Variants in PARD3 observed in about 807,000 individuals in gnomAD.
The protein encoded by PARD3 is partitioning defective 3 homolog.
PARD3 carries 75 observed loss-of-function variants against 155.4 expected under a neutral mutation model. That is an observed-to-expected ratio of 0.48 (90% CI 0.40 to 0.58). PARD3 has a LOEUF of 0.58. Among genes scored for constraint, PARD3 ranks in the 20% least tolerant of loss-of-function variants. The pLI is 0.00. For missense variants in PARD3, 1,642 were observed against 1,721.7 expected (o/e 0.95, Z 0.82); for synonymous variants, 576 against 610.5 (o/e 0.94, Z 0.83).
At chr10:34,809,598 GTGTA>G (rs1843831436) in intron 1 of PARD3, among the ~76,000 whole-genome samples, 1 of 152,220 alleles carries the variant, frequency 6.6e-6, no homozygotes, top group African/African-American at 2.4e-5. Flanking sequence ...AGGCAGCAAA[GTGTA>G]TGTGAGTCCC....
At chr10:34,750,666 G>A (rs17493652) in intron 1 of PARD3, among the ~76,000 whole-genome samples, 148 of 151,534 alleles carry the variant, frequency 9.8e-4, no homozygotes, top group Middle Eastern at 3.4e-3. Flanking sequence ...TGTTAATTTG[G>A]ATTATTCTTG....
At chr10:34,459,606 G>A (rs900348069) in intron 4 of PARD3, among the ~76,000 whole-genome samples, 1 of 152,148 alleles carries the variant, frequency 6.6e-6, no homozygotes, top group Non-Finnish European at 1.5e-5. Flanking sequence ...CAGAAAGGGA[G>A]AGATAGTAAA....
chr10:34,182,978 A>G (rs1950330983), intron 22 of PARD3, among the ~76,000 whole-genome samples: 1 of 152,220 alleles, frequency 6.6e-6, no homozygotes, highest in African/African-American at 2.4e-5. Context: ...AGATAAGCAG[A>G]CTGGGGAAAC....
At chr10:34,633,952 T>C (rs536768566) in intron 2 of PARD3, among the ~76,000 whole-genome samples, 4 of 152,290 alleles carry the variant, frequency 2.6e-5, no homozygotes, top group East Asian at 1.9e-4. Flanking sequence ...AGAAGGCCAT[T>C]AGCGTCCATT....
chr10:34,735,775 T>C (rs1372163487), intron 1 of PARD3, among the ~76,000 whole-genome samples: 7 of 152,208 alleles, frequency 4.6e-5, no homozygotes, highest in African/African-American at 1.7e-4. Context: ...GTGGCGGATA[T>C]CAGTACACTT....
intron 2 of PARD3, among the ~76,000 whole-genome samples, chr10:34,681,760 ATATATATATTTTTTTTTTTTTTTTTTT>A (rs2093840324): frequency 4.6e-5 from 1 of 21,552 alleles, no homozygotes; most frequent in African/African-American, 2.5e-4. Flanking sequence ...ATATATATAT[ATATATATATTTTTTTTTTTTTTTTTTT>A]TTTTTTTTTT....
intron 3 of PARD3, among the ~76,000 whole-genome samples, chr10:34,503,462 A>C: frequency 6.6e-6 from 1 of 152,252 alleles, no homozygotes; most frequent in East Asian, 1.9e-4. Flanking sequence ...TTCTTAAATT[A>C]CATGCTATTC....
intron 22 of PARD3, among the ~76,000 whole-genome samples, chr10:34,144,890 A>G (rs1183075736): frequency 1.3e-5 from 2 of 152,072 alleles, no homozygotes; most frequent in African/African-American, 4.8e-5. Flanking sequence ...ACATACGCCA[A>G]TCTAGGCTGC....
intron 1 of PARD3, among the ~76,000 whole-genome samples, chr10:34,784,454 TTTG>T (rs1840688998): frequency 7.7e-6 from 1 of 129,836 alleles, no homozygotes; most frequent in Admixed American, 7.5e-5. Flanking sequence ...TTTTTTTTTT[TTTG>T]GAGACGGAGT....
chr10:34,407,384 A>G (rs1420225063), intron 5 of PARD3, among the ~76,000 whole-genome samples: 2 of 152,114 alleles, frequency 1.3e-5, no homozygotes, highest in Non-Finnish European at 2.9e-5. Flanking sequence ...GCTGTGCAGG[A>G]GCCATTCTCT....
chr10:34,517,412 C>T (rs1047979790), intron 2 of PARD3, among the ~76,000 whole-genome samples: 3 of 152,056 alleles, frequency 2.0e-5, no homozygotes, highest in Admixed American at 6.6e-5. Context: ...TGTTTGCTAT[C>T]ACAGCATGCT....
intron 3 of PARD3, among the ~76,000 whole-genome samples, chr10:34,487,292 A>T (rs1420655838): frequency 2.0e-5 from 3 of 152,094 alleles, no homozygotes; most frequent in Admixed American, 2.0e-4. Flanking sequence ...CTTCACTTAG[A>T]TCTGGTACTT....
intron 1 of PARD3, among the ~76,000 whole-genome samples, chr10:34,747,806 A>C (rs1225540994): frequency 6.6e-6 from 1 of 152,232 alleles, no homozygotes. Context: ...CTTTTATAGG[A>C]TGGTTCTGGG....
chr10:34,585,318 G>T (rs2087907577), intron 2 of PARD3, among the ~76,000 whole-genome samples: 1 of 152,022 alleles, frequency 6.6e-6, no homozygotes, highest in Non-Finnish European at 1.5e-5. Context: ...AAGCAATCAG[G>T]TTTTTGTATG....
chr10:34,804,919 G>C (rs1287162902), intron 1 of PARD3, among the ~76,000 whole-genome samples: 13 of 152,136 alleles, frequency 8.5e-5, no homozygotes, highest in Admixed American at 8.5e-4. Flanking sequence ...TTAGGTTTTT[G>C]AGACATAATA....
intron 1 of PARD3, among the ~76,000 whole-genome samples, chr10:34,740,387 C>T (rs1426328507): frequency 1.3e-5 from 2 of 152,252 alleles, no homozygotes. Context: ...TCCCTGTCAA[C>T]AAACATATCC....
At chr10:34,432,041 C>CAAAAAAAAAAAAAAAAAAAAAAAAA (rs142848273) in intron 5 of PARD3, among the ~76,000 whole-genome samples, 5 of 21,592 alleles carry the variant, frequency 2.3e-4, no homozygotes, top group Admixed American at 9.8e-4. Context: ...GACTCTGTCT[C>CAAAAAAAAAAAAAAAAAAAAAAAAA]AAAAAAAAAA....
intron 20 of PARD3, among the ~76,000 whole-genome samples, chr10:34,296,580 C>T (rs1956921881): frequency 6.6e-6 from 1 of 152,066 alleles, no homozygotes; most frequent in Non-Finnish European, 1.5e-5. Flanking sequence ...ATAAAGATCA[C>T]TATGTAAGAA....
Position 34,309,998 on chromosome 10 carries a change from T to C in PARD3, c.3065+7109A>G, listed in dbSNP as rs557317391. Among the ~76,000 whole-genome samples, 3 of 151,636 alleles carry C rather than the reference T, an allele frequency of 2.0e-5. No homozygotes were observed. The East Asian group carries it at 5.8e-4, about 29-fold the overall frequency. On this transcript the variant is annotated intron_variant, in intron 20 of 24. Coordinates refer to ENST00000374788, the MANE Select transcript of PARD3 (RefSeq NM_001184785.2). ...CTGATTTTAGTCTTTTGCTTCTAAATTGGCTATTATTAAACATAGGTCAGA... is the reference window on the plus strand; with the variant it reads ...CTGATTTTAGTCTTTTGCTTCTAAACTGGCTATTATTAAACATAGGTCAGA...
Sources: allele counts gnomAD v4.1 joint callset (sites outside exome capture counted in the v4.1 genomes callset), GRCh38; gene constraint gnomAD v4.1.1; transcripts MANE v1.5; gene names NCBI Gene and HGNC (gene_info 2026-07-23, HGNC 2026-07-21).